The following COL11A1 variants were observed in gnomAD, a reference collection of about 807,000 sequenced individuals.
COL11A1 encodes collagen alpha-1(XI) chain.
In COL11A1, 74 loss-of-function variants were observed where a neutral mutation model predicts 265.2. The ratio of observed to expected loss-of-function variants is 0.28; its 90% CI spans 0.23 to 0.34. The LOEUF is 0.34. Ranked by LOEUF, COL11A1 falls within the 10% of genes least tolerant of loss-of-function variation. COL11A1 has a pLI of 1.00. For missense variants in COL11A1, 2,165 were observed against 2,263.6 expected (o/e 0.96, Z 0.88); for synonymous variants, 816 against 727.6 (o/e 1.12, Z -1.96).
chr1:103,091,205 G>A (rs1673291650), intron 1 of COL11A1, among the ~76,000 whole-genome samples: 2 of 151,998 alleles, frequency 1.3e-5, no homozygotes, highest in Admixed American at 6.6e-5. Context: ...ATTTAAAAAT[G>A]TAATATTGTA....
At chr1:102,883,660 T>G (rs1650559117) in intron 63 of COL11A1, among the ~76,000 whole-genome samples, 1 of 152,196 alleles carries the variant, frequency 6.6e-6, no homozygotes. Flanking sequence ...TAAGATATAC[T>G]TGACTCCAAA....
chr1:102,965,700 T>G (rs572817513), intron 37 of COL11A1, among the ~76,000 whole-genome samples, 160 bp from the exon 38 acceptor site: 90 of 152,220 alleles, frequency 5.9e-4, no homozygotes, highest in Middle Eastern at 3.2e-3. Flanking sequence ...TTAAACTTAT[T>G]TCAGTTTTCA....
intron 41 of COL11A1, among the ~76,000 whole-genome samples, chr1:102,949,881 C>G (rs1659706085): frequency 6.6e-6 from 1 of 152,228 alleles, no homozygotes; most frequent in Admixed American, 6.5e-5. Flanking sequence ...TTTGGTTGAA[C>G]ATTGTGTAAA....
At chr1:103,065,202 C>G (rs949963769) in intron 4 of COL11A1, among the ~76,000 whole-genome samples, 5 of 151,826 alleles carry the variant, frequency 3.3e-5, no homozygotes, top group Admixed American at 2.6e-4. Flanking sequence ...TACACCTACT[C>G]TAAAATAAAG....
At chr1:103,013,818 A>G (rs1666328095) in intron 13 of COL11A1, among the ~76,000 whole-genome samples, 1 of 151,938 alleles carries the variant, frequency 6.6e-6, no homozygotes, top group South Asian at 2.1e-4. Context: ...AACCAATACT[A>G]TGAATAAAAA....
intron 35 of COL11A1, among the ~76,000 whole-genome samples, chr1:102,977,668 T>C (rs1039801732): frequency 3.9e-5 from 6 of 152,142 alleles, no homozygotes; most frequent in African/African-American, 7.2e-5. Context: ...AATTTAAATG[T>C]CCCTTATTAA....
chr1:103,014,742 G>C (rs377056044), intron 12 of COL11A1, 148 bp from the exon 13 acceptor site: 7 of 703,530 alleles, frequency 9.9e-6, no homozygotes, highest in East Asian at 8.1e-5. Flanking sequence ...ATGAGATCTA[G>C]TTTGTATTGT....
At chr1:103,093,184 G>T (rs1673464200) in intron 1 of COL11A1, among the ~76,000 whole-genome samples, 1 of 152,076 alleles carries the variant, frequency 6.6e-6, no homozygotes, top group Non-Finnish European at 1.5e-5. Context: ...TCAAGAAAAA[G>T]TGAAGTCATT....
intron 35 of COL11A1, among the ~76,000 whole-genome samples, chr1:102,977,263 T>G (rs1401721151): frequency 6.6e-6 from 1 of 152,152 alleles, no homozygotes; most frequent in Admixed American, 6.5e-5. Context: ...GAAGGCATAC[T>G]TGGGATGAAA....
At position 103,077,079 on chromosome 1, in the gene COL11A1, T is replaced by C. The variant is rs1368771799; in HGVS notation, c.488+1579A>G. Among the ~76,000 whole-genome samples, 14 of 152,026 alleles carry C rather than the reference T, an allele frequency of 9.2e-5. No individual in the cohort carries two copies. In the East Asian group the frequency reaches 2.7e-3, roughly 29 times the overall value. ...TTAATAAATTGTTATTGAAGGAATATACAAATGAAAAAAATTAATACTACT... is the reference window on the plus strand; with the variant it reads ...TTAATAAATTGTTATTGAAGGAATACACAAATGAAAAAAATTAATACTACT... On this transcript the variant is annotated intron_variant, in intron 3 of 66. Coordinates refer to ENST00000370096, the MANE Select transcript of COL11A1 (RefSeq NM_001854.4).
At chr1:103,017,559 T>C (rs1277540515) in intron 11 of COL11A1, among the ~76,000 whole-genome samples, 1 of 152,188 alleles carries the variant, frequency 6.6e-6, no homozygotes, top group African/African-American at 2.4e-5. Flanking sequence ...GAATCCCTAA[T>C]GTAATGAGTT....
At chr1:103,006,953 C>T (rs1227184249) in intron 15 of COL11A1, among the ~76,000 whole-genome samples, 1 of 152,096 alleles carries the variant, frequency 6.6e-6, no homozygotes, top group Non-Finnish European at 1.5e-5. Flanking sequence ...CTTAACTATC[C>T]ATTCCATTTC....
chr1:102,968,514 G>A (rs892483619), intron 37 of COL11A1, among the ~76,000 whole-genome samples: 1 of 152,078 alleles, frequency 6.6e-6, no homozygotes, highest in African/African-American at 2.4e-5. Context: ...ATGGATTTCT[G>A]GCTGGAGACA....
chr1:102,960,127 A>C (rs990863898), intron 41 of COL11A1, among the ~76,000 whole-genome samples: 4 of 152,172 alleles, frequency 2.6e-5, no homozygotes, highest in Middle Eastern at 3.2e-3. Context: ...GTGTAAGTCT[A>C]ATACAGTTAT....
rs4908282 is a variant in COL11A1, at chr1:102,964,437, T to C, written c.2916+1050A>G. On this transcript the variant is annotated intron_variant, in intron 38 of 66. Coordinates refer to ENST00000370096, the MANE Select transcript of COL11A1 (RefSeq NM_001854.4). ...AGCCTTCAGCACAAGTAAGTAGTCA[T>C]GTTTACACACTCTATAAAATAACAT... Among the ~76,000 whole-genome samples, 243 of 152,326 alleles carry C rather than the reference T, an allele frequency of 1.6e-3. No individual in the cohort carries two copies. The East Asian group carries it at 0.021, about 13-fold the overall frequency.
intron 62 of COL11A1, among the ~76,000 whole-genome samples, chr1:102,887,449 T>A (rs186667029): frequency 0.013 from 2,034 of 152,260 alleles, 19 homozygotes; most frequent in Non-Finnish European, 0.021. Context: ...CGCTATCTAA[T>A]CAACTGTGTA....
intron 42 of COL11A1, among the ~76,000 whole-genome samples, chr1:102,941,336 C>T (rs11164643): frequency 0.16 from 24,056 of 152,162 alleles, 2,036 homozygotes; most frequent in African/African-American, 0.18. Flanking sequence ...TTTCCCCATA[C>T]GTATTCTTAC....
chr1:103,101,264 A>G (rs1361257484), intron 1 of COL11A1, among the ~76,000 whole-genome samples: 7 of 152,062 alleles, frequency 4.6e-5, no homozygotes, highest in Admixed American at 3.9e-4. Flanking sequence ...CAATTAGACA[A>G]CAAACTTATC....
chr1:102,916,684 T>C (rs1655376375), intron 49 of COL11A1, among the ~76,000 whole-genome samples: 1 of 152,012 alleles, frequency 6.6e-6, no homozygotes, highest in South Asian at 2.1e-4. Flanking sequence ...TACACAAATA[T>C]TTTAAATTCT....
Sources: gnomAD v4.1 joint callset for allele counts (sites outside exome capture counted in the v4.1 genomes callset) on GRCh38, gnomAD v4.1.1 for gene constraint, MANE v1.5 for transcripts, NCBI Gene and HGNC (gene_info 2026-07-23, HGNC 2026-07-21) for gene names.